Variants in ARHGAP26 observed in about 807,000 individuals in gnomAD.
The protein encoded by ARHGAP26 is Rho GTPase activating protein 26, also known as rho GTPase-activating protein 26.
In ARHGAP26, 38 loss-of-function variants were observed where a neutral mutation model predicts 104.8. The observed-to-expected ratio is 0.36, with a 90% CI of 0.28 to 0.48. ARHGAP26 has a LOEUF of 0.48. ARHGAP26 is among the 20% of genes least tolerant of loss of function. The pLI is 0.99. For synonymous variants in ARHGAP26, 341 were observed against 340.0 expected (o/e 1.00, Z -0.03); for missense variants, 704 against 947.9 (o/e 0.74, Z 3.38).
chr5:143,041,741 A>T (rs192358398), intron 13 of ARHGAP26, 75 bp from the exon 14 acceptor site: 5 of 994,566 alleles, frequency 5.0e-6, no homozygotes, highest in South Asian at 1.6e-5. Flanking sequence ...AAAAAAAAAA[A>T]GTGCATTTGG....
At chr5:142,818,606 C>T (rs1007211802) in intron 1 of ARHGAP26, among the ~76,000 whole-genome samples, 1 of 152,158 alleles carries the variant, frequency 6.6e-6, no homozygotes, top group African/African-American at 2.4e-5. Context: ...CCTTGGAGAT[C>T]ACTTAATATT....
chr5:142,917,308 G>C (rs1337746819), intron 10 of ARHGAP26, among the ~76,000 whole-genome samples: 1 of 152,024 alleles, frequency 6.6e-6, no homozygotes. Context: ...CAAAGTGCTG[G>C]GATTACAGGC....
At chr5:143,011,645 T>C (rs1778771023) in intron 11 of ARHGAP26, among the ~76,000 whole-genome samples, 1 of 152,164 alleles carries the variant, frequency 6.6e-6, no homozygotes, top group South Asian at 2.1e-4. Context: ...GGTCATTTGG[T>C]CTTAGCTTCT....
intron 1 of ARHGAP26, among the ~76,000 whole-genome samples, chr5:142,794,004 A>T (rs1760430962): frequency 6.6e-6 from 1 of 152,202 alleles, no homozygotes; most frequent in East Asian, 1.9e-4. Context: ...CAGAAAGGGA[A>T]TTTGTTGTGG....
At chr5:143,053,641 A>G (rs1218370570) in intron 14 of ARHGAP26, among the ~76,000 whole-genome samples, 6 of 152,236 alleles carry the variant, frequency 3.9e-5, no homozygotes, top group African/African-American at 1.4e-4. Context: ...GATTTGTTTA[A>G]AAGTCCATGC....
chr5:143,096,629 A>C (rs923517262), intron 17 of ARHGAP26, among the ~76,000 whole-genome samples: 1 of 152,136 alleles, frequency 6.6e-6, no homozygotes, highest in African/African-American at 2.4e-5. Context: ...GGTGTGCTAA[A>C]GGGTCAGGAT....
chr5:143,202,219 G>A lies in ARHGAP26; in HGVS notation c.1989-4979G>A, dbSNP rs141513058. On this transcript the variant is annotated intron_variant, in intron 20 of 22. Transcript: ENST00000645722. ...CACTTCTTTGTCTTTTTTCATCTTT[G>A]TTGGTTTTAAGTGTTTTATCAGAGA... The A allele has an allele frequency of 8.3e-3, 1,227 of 148,416 alleles. 19 individuals carry two copies. Among genetic ancestry groups the A allele is most frequent in the African/African-American group, 0.028 (1,158 of 40,944 alleles). The allele number at this position is 148,416 out of a possible 1,614,324, so 9.2% of individuals were successfully genotyped here.
At chr5:142,921,108 T>G (rs1483004224) in intron 10 of ARHGAP26, among the ~76,000 whole-genome samples, 1 of 152,200 alleles carries the variant, frequency 6.6e-6, no homozygotes, top group Non-Finnish European at 1.5e-5. Context: ...CATGAATAGG[T>G]AAAGGGCAGT....
chr5:143,014,237 C>CACTGCACTCGGGAACTG, intron 12 of ARHGAP26, 121 bp downstream of exon 12: 1 of 1,094,292 alleles, frequency 9.1e-7, no homozygotes, highest in Non-Finnish European at 1.4e-6. Flanking sequence ...CTCCAGTTCC[C>CACTGCACTCGGGAACTG]GAGTGCAGTG....
chr5:143,112,710 A>G (rs1794917418), intron 17 of ARHGAP26, among the ~76,000 whole-genome samples: 1 of 152,060 alleles, frequency 6.6e-6, no homozygotes, highest in Admixed American at 6.5e-5. Flanking sequence ...ATCATACAAC[A>G]TTTGTCTGTC....
chr5:142,818,201 C>T (rs533454175), intron 1 of ARHGAP26, among the ~76,000 whole-genome samples: 2 of 150,878 alleles, frequency 1.3e-5, no homozygotes, highest in Non-Finnish European at 2.9e-5. Context: ...AGGAGAATGC[C>T]ATGTACCAAT....
chr5:143,045,373 C>A (rs191263546), intron 14 of ARHGAP26, among the ~76,000 whole-genome samples: 2 of 152,214 alleles, frequency 1.3e-5, no homozygotes, highest in African/African-American at 4.8e-5. Context: ...CATGATTCTC[C>A]CTACGAGTTA....
At chr5:143,213,874 C>T (rs1809906683) in intron 21 of ARHGAP26, 123 bp from the exon 22 acceptor site, 2 of 514,798 alleles carry the variant, frequency 3.9e-6, no homozygotes, top group Admixed American at 6.3e-5. Flanking sequence ...GGCTGCCTTG[C>T]CAGGCACTTC....
intron 22 of ARHGAP26, among the ~76,000 whole-genome samples, chr5:143,216,999 G>A (rs1020010392): frequency 6.6e-6 from 1 of 152,094 alleles, no homozygotes; most frequent in Non-Finnish European, 1.5e-5. Context: ...GTGGGGTGGG[G>A]GGTCTTTTTC....
At chr5:143,113,758 A>G (rs1046025971) in intron 17 of ARHGAP26, among the ~76,000 whole-genome samples, 1 of 152,096 alleles carries the variant, frequency 6.6e-6, no homozygotes, top group Non-Finnish European at 1.5e-5. Flanking sequence ...ACTTCTTCCA[A>G]TTTAGTGATT....
chr5:143,007,951 C>T (rs1265024797), intron 11 of ARHGAP26, among the ~76,000 whole-genome samples: 1 of 152,220 alleles, frequency 6.6e-6, no homozygotes, highest in Admixed American at 6.5e-5. Flanking sequence ...ACCAATGCCA[C>T]AGGGTCCCTC....
intron 20 of ARHGAP26, among the ~76,000 whole-genome samples, chr5:143,171,283 A>G (rs1351864063): frequency 6.6e-6 from 1 of 152,336 alleles, no homozygotes; most frequent in East Asian, 1.9e-4. Flanking sequence ...GACTTCCCCA[A>G]GGTCACAGAA....
chr5:143,157,369 C>T (rs1659183), intron 20 of ARHGAP26, among the ~76,000 whole-genome samples: 12 of 151,624 alleles, frequency 7.9e-5, no homozygotes, highest in Admixed American at 7.2e-4. Context: ...GCAGAGACAG[C>T]GTTTCACCAT....
intron 1 of ARHGAP26, among the ~76,000 whole-genome samples, chr5:142,823,656 G>A (rs1036450425): frequency 1.3e-5 from 2 of 152,160 alleles, no homozygotes; most frequent in African/African-American, 4.8e-5. Context: ...AGGACCAAGG[G>A]TCTGGTTTGA....
Sources: gnomAD v4.1 joint callset for allele counts (sites outside exome capture counted in the v4.1 genomes callset) on GRCh38, gnomAD v4.1.1 for gene constraint, MANE v1.5 for transcripts, NCBI Gene and HGNC (gene_info 2026-07-23, HGNC 2026-07-21) for gene names.